The following KLHL1 variants were observed in gnomAD, a reference collection of about 807,000 sequenced individuals.
KLHL1 encodes kelch-like protein 1.
A neutral mutation model predicts 77.7 loss-of-function variants in KLHL1; 47 were observed. That is an observed-to-expected ratio of 0.60 (90% CI 0.48 to 0.77). KLHL1 has a LOEUF of 0.77. KLHL1 is among the 30% of genes least tolerant of loss of function. The pLI is 0.00. For synonymous variants in KLHL1, 360 were observed against 325.2 expected, an observed-to-expected ratio of 1.11 and a Z score of -1.15; for missense variants, 925 against 910.8, an observed-to-expected ratio of 1.02 and a Z score of -0.20.
chr13:69,860,765 G>A (rs1191022903), intron 5 of KLHL1, among the ~76,000 whole-genome samples: 1 of 151,050 alleles, frequency 6.6e-6, no homozygotes, highest in Non-Finnish European at 1.5e-5. Context: ...AACAATAATA[G>A]ATAATAAAAA....
chr13:69,824,374 T>C (rs79592474), intron 6 of KLHL1, among the ~76,000 whole-genome samples: 2,272 of 152,152 alleles, frequency 0.015, 55 homozygotes, highest in African/African-American at 0.05. Context: ...AAAAGTAAGA[T>C]GATATTTTCT....
At chr13:69,729,973 CA>C (rs1176556298) in intron 8 of KLHL1, among the ~76,000 whole-genome samples, 2 of 151,308 alleles carry the variant, frequency 1.3e-5, no homozygotes, top group African/African-American at 2.4e-5. Context: ...GCTAGCTGAC[CA>C]AAAAATACAA....
chr13:69,925,197 T>G (rs2138271061), intron 4 of KLHL1, among the ~76,000 whole-genome samples: 1 of 152,248 alleles, frequency 6.6e-6, no homozygotes, highest in East Asian at 1.9e-4. Flanking sequence ...TGGTTAAAAC[T>G]TCAGATTTTT....
At chr13:69,970,191 G>A (rs1884339701) in intron 2 of KLHL1, among the ~76,000 whole-genome samples, 1 of 151,960 alleles carries the variant, frequency 6.6e-6, no homozygotes, top group Non-Finnish European at 1.5e-5. Flanking sequence ...TTTTTACGGT[G>A]GTTGTAAACA....
At chr13:69,819,224 G>A (rs1322730986) in intron 6 of KLHL1, among the ~76,000 whole-genome samples, 1 of 152,094 alleles carries the variant, frequency 6.6e-6, no homozygotes, top group African/African-American at 2.4e-5. Flanking sequence ...GATGAATTCA[G>A]GATAAATGAT....
chr13:69,798,078 C>A (rs1345586643), intron 6 of KLHL1, among the ~76,000 whole-genome samples: 1 of 140,450 alleles, frequency 7.1e-6, no homozygotes, highest in Non-Finnish European at 1.5e-5. Flanking sequence ...CTGTGTAGAA[C>A]AAGCTCCCAA....
chr13:70,025,290 A>C (rs1885912815), intron 1 of KLHL1, among the ~76,000 whole-genome samples: 1 of 152,058 alleles, frequency 6.6e-6, no homozygotes, highest in Non-Finnish European at 1.5e-5. Flanking sequence ...GTGTCTACTT[A>C]ACCAAAACAT....
intron 1 of KLHL1, among the ~76,000 whole-genome samples, chr13:70,059,157 CTTTT>C (rs58877477): frequency 7.2e-6 from 1 of 139,338 alleles, no homozygotes; most frequent in Non-Finnish European, 1.6e-5. Flanking sequence ...AATATTTCTT[CTTTT>C]TTTTTTTTTT....
intron 1 of KLHL1, among the ~76,000 whole-genome samples, chr13:70,007,133 A>C (rs1390965299): frequency 6.6e-6 from 1 of 152,040 alleles, no homozygotes; most frequent in Non-Finnish European, 1.5e-5. Context: ...ATCTCAAAAC[A>C]ATATGAGAAC....
chr13:69,903,810 T>C (rs1193990458), intron 4 of KLHL1, among the ~76,000 whole-genome samples: 1 of 151,442 alleles, frequency 6.6e-6, no homozygotes, highest in African/African-American at 2.4e-5. Flanking sequence ...CCCAGCTAAT[T>C]TTTGTATTTT....
intron 4 of KLHL1, among the ~76,000 whole-genome samples, chr13:69,930,347 T>G (rs563942666): frequency 1.6e-3 from 244 of 151,972 alleles, no homozygotes; most frequent in African/African-American, 5.7e-3. Context: ...CTGTGCAAAG[T>G]GATGTTGCAG....
intron 5 of KLHL1, among the ~76,000 whole-genome samples, chr13:69,846,142 T>C (rs1220559852): frequency 6.6e-6 from 1 of 151,564 alleles, no homozygotes; most frequent in Non-Finnish European, 1.5e-5. Flanking sequence ...AATTAAACAT[T>C]TCCAGTGTTC....
intron 4 of KLHL1, among the ~76,000 whole-genome samples, chr13:69,933,510 AC>A (rs1883072179): frequency 6.6e-6 from 1 of 152,034 alleles, no homozygotes; most frequent in Admixed American, 6.6e-5. Flanking sequence ...ATCACAAACC[AC>A]ATTGATATAG....
intron 1 of KLHL1, among the ~76,000 whole-genome samples, chr13:70,011,400 T>C (rs751840992): frequency 3.3e-5 from 5 of 152,192 alleles, no homozygotes; most frequent in Non-Finnish European, 7.4e-5. Context: ...CTGGACCAGA[T>C]AGTAACTCAT....
intron 7 of KLHL1, among the ~76,000 whole-genome samples, chr13:69,760,599 C>T (rs538449315): frequency 3.3e-5 from 5 of 152,160 alleles, no homozygotes; most frequent in Admixed American, 2.6e-4. Flanking sequence ...AGGTGATCCA[C>T]CTGTCTCAGA....
At position 69,837,656 on chromosome 13, in the gene KLHL1, A is replaced by ATATGTG. The variant is rs36068601; in HGVS notation, c.1414+1319_1414+1320insCACATA. On this transcript the variant is annotated intron_variant, in intron 6 of 10. Transcript: ENST00000377844. ...TATATATATATATGTGTATATATAT[A>ATATGTG]TGTGTGTGTGTGTGTATATATATAT... Among the ~76,000 whole-genome samples the ATATGTG allele has an allele frequency of 8.2e-3, 1,127 of 137,088 alleles. 52 individuals carry two copies. The highest frequency in any genetic ancestry group is 0.03 in the African/African-American group (1,031 of 34,684). The allele number at this position is 137,088 out of a possible 152,430, so 89.9% of individuals were successfully genotyped here. A position where few individuals can be genotyped will look rare whatever the true frequency, so the allele number is the denominator to read the frequency against.
chr13:69,740,208 G>A (rs1873927289), intron 8 of KLHL1, among the ~76,000 whole-genome samples, 186 bp downstream of exon 8: 1 of 152,138 alleles, frequency 6.6e-6, no homozygotes, highest in African/African-American at 2.4e-5. Flanking sequence ...ATCAATTAAT[G>A]TGAAGCAATT....
At chr13:69,752,497 T>A (rs1860072564) in intron 7 of KLHL1, among the ~76,000 whole-genome samples, 1 of 152,208 alleles carries the variant, frequency 6.6e-6, no homozygotes, top group Non-Finnish European at 1.5e-5. Flanking sequence ...GACATTGTTT[T>A]AAAGTGCAAT....
intron 5 of KLHL1, among the ~76,000 whole-genome samples, chr13:69,862,928 AT>A (rs1441639395): frequency 1.3e-5 from 2 of 152,134 alleles, no homozygotes; most frequent in Non-Finnish European, 2.9e-5. Context: ...AGTCTATAAG[AT>A]TTTATGTAAG....
Sources: gnomAD v4.1 joint callset for allele counts (sites outside exome capture counted in the v4.1 genomes callset) on GRCh38, gnomAD v4.1.1 for gene constraint, MANE v1.5 for transcripts, NCBI Gene and HGNC (gene_info 2026-07-23, HGNC 2026-07-21) for gene names.